The following GPAT4 variants were observed in gnomAD, a reference collection of about 807,000 sequenced individuals.
GPAT4 encodes glycerol-3-phosphate acyltransferase 4, also known as 1-AGP acyltransferase 6.
GPAT4 carries 17 observed loss-of-function variants against 58.0 expected under a neutral mutation model. The ratio of observed to expected loss-of-function variants is 0.29; its 90% CI spans 0.20 to 0.44. GPAT4 has a LOEUF of 0.44. Ranked by LOEUF, GPAT4 falls within the 20% of genes least tolerant of loss-of-function variation. The probability of loss-of-function intolerance (pLI) is 1.00; values close to 1 mark genes in which losing one functional copy is unlikely to be tolerated. For missense variants in GPAT4, 377 were observed against 574.5 expected (o/e 0.66, Z 3.51); for synonymous variants, 204 against 210.1 (o/e 0.97, Z 0.25).
At chr8:41,612,099 A>T (rs1803462377) in intron 6 of GPAT4, 81 bp from the exon 7 acceptor site, 1 of 1,589,136 alleles carries the variant, frequency 6.3e-7, no homozygotes, top group Admixed American at 1.7e-5. Context: ...GTTAGAGCAG[A>T]TGAAGCATGT....
intron 1 of GPAT4, among the ~76,000 whole-genome samples, chr8:41,589,547 T>C (rs1013519899): frequency 2.6e-5 from 4 of 152,202 alleles, no homozygotes; most frequent in African/African-American, 9.7e-5. Flanking sequence ...TTCTTTGTTT[T>C]TTGCATCTGT....
chr8:41,604,027 C>T (rs370790596), intron 2 of GPAT4, among the ~76,000 whole-genome samples: 1 of 138,312 alleles, frequency 7.2e-6, no homozygotes, highest in African/African-American at 2.8e-5. Context: ...CAACTTGTAA[C>T]ACCTTTTAAT....
At chr8:41,584,716 T>C (rs1802606859) in intron 1 of GPAT4, 1 of 152,222 alleles carries the variant, frequency 6.6e-6, no homozygotes, top group South Asian at 2.1e-4. Context: ...AATCAAATTG[T>C]CATCATCAAA....
At chr8:41,579,744 C>T (rs760691020) in intron 1 of GPAT4, among the ~76,000 whole-genome samples, 1 of 151,728 alleles carries the variant, frequency 6.6e-6, no homozygotes, top group Admixed American at 6.6e-5. Flanking sequence ...AGGCTGAGGC[C>T]GGAGAATCGC....
intron 1 of GPAT4, among the ~76,000 whole-genome samples, chr8:41,587,123 G>A (rs974788444): frequency 2.6e-5 from 4 of 152,186 alleles, no homozygotes; most frequent in African/African-American, 7.2e-5. Context: ...TTTTACTAAT[G>A]CATTTACACA....
At chr8:41,615,665 G>A (rs1011465288) in intron 10 of GPAT4, among the ~76,000 whole-genome samples, 4 of 152,070 alleles carry the variant, frequency 2.6e-5, no homozygotes, top group Non-Finnish European at 4.4e-5. Flanking sequence ...GTTCCTCCCC[G>A]CTCTTACCCT....
chr8:41,599,230 A>G lies in GPAT4; in HGVS notation c.91A>G (p.Ile31Val), dbSNP rs1384211933. Residue 31 changes from isoleucine (I) to valine (V), a missense_variant, in exon 2 of 13, where the codon ATA becomes GTA. Transcript: ENST00000396987. ...CTTCACCCTCCTTCTCGTTTTCATC[A>G]TAGTGCCAGCCATTTTTGGAGTCTC... is the stretch of plus-strand genomic sequence containing the variant. ...VLFTLLLVFI[I>V]VPAIFGVSFG... 1 of 1,613,918 alleles carries G rather than the reference A, an allele frequency of 6.2e-7. No individual in the cohort carries two copies. The highest frequency in any genetic ancestry group is 8.5e-7 in the Non-Finnish European group (1 of 1,180,004).
intron 1 of GPAT4, among the ~76,000 whole-genome samples, chr8:41,587,027 C>T (rs1219761311): frequency 2.0e-5 from 3 of 152,212 alleles, no homozygotes; most frequent in Admixed American, 2.0e-4. Context: ...CTGGCTGGGT[C>T]TCTGAGGGCC....
At chr8:41,582,750 A>G (rs560494935) in intron 1 of GPAT4, among the ~76,000 whole-genome samples, 10 of 152,058 alleles carry the variant, frequency 6.6e-5, no homozygotes, top group Admixed American at 3.9e-4. Context: ...TTATGTATCA[A>G]TTTTTAAGAA....
At position 41,621,280 on chromosome 8, in the gene GPAT4, T is replaced by C. The variant is rs1265032356; in HGVS notation, c.*279T>C. The C allele has an allele frequency of 3.3e-5, 15 of 460,832 alleles. No homozygotes were observed. The highest frequency in any genetic ancestry group is 1.4e-4 in the Admixed American group (4 of 28,294). The allele number at this position is 460,832 out of a possible 1,614,324, so 28.5% of individuals were successfully genotyped here. A position where few individuals can be genotyped will look rare whatever the true frequency, so the allele number is the denominator to read the frequency against. On this transcript the variant is annotated 3_prime_UTR_variant, in exon 13 of 13. Coordinates refer to ENST00000396987, the MANE Select transcript of GPAT4 (RefSeq NM_178819.4). ...AGTCGTTGGAGGAATGCCATTAAAGTGAACTCCCCACCTTTGCACGCTGTG... is the reference window on the plus strand; with the variant it reads ...AGTCGTTGGAGGAATGCCATTAAAGCGAACTCCCCACCTTTGCACGCTGTG...
intron 2 of GPAT4, among the ~76,000 whole-genome samples, chr8:41,603,560 C>T (rs949727002): frequency 1.3e-5 from 2 of 151,686 alleles, no homozygotes; most frequent in South Asian, 2.1e-4. Flanking sequence ...ATTTTGGGCC[C>T]CAGAACCTGC....
chr8:41,592,376 C>T (rs1490179987), intron 1 of GPAT4, among the ~76,000 whole-genome samples: 1 of 152,156 alleles, frequency 6.6e-6, no homozygotes, highest in Non-Finnish European at 1.5e-5. Flanking sequence ...GATTTGAACT[C>T]CACCAAGTGA....
intron 2 of GPAT4, among the ~76,000 whole-genome samples, chr8:41,608,578 G>T (rs1477333282): frequency 6.6e-6 from 1 of 152,232 alleles, no homozygotes; most frequent in Non-Finnish European, 1.5e-5. Context: ...TAGGAAAAGC[G>T]TCTTTTTCCT....
chr8:41,616,768 A>G (rs1161652404), intron 10 of GPAT4, among the ~76,000 whole-genome samples: 1 of 152,200 alleles, frequency 6.6e-6, no homozygotes, highest in South Asian at 2.1e-4. Context: ...ATACATTTCC[A>G]TTTAGTCCAC....
At position 41,609,693 on chromosome 8, in the gene GPAT4, A is replaced by C; in HGVS notation, c.274A>C (p.Ile92Leu). ...GGATCCCACTTCACTAGAAGAAGAG[A>C]TCAAAGAGATTCGTCGAAGTGGTAG... ...AKDPTSLEEE[I>L]KEIRRSGSSK... Residue 92 changes from isoleucine (I) to leucine (L), a missense_variant, in exon 4 of 13, where the codon ATC becomes CTC. Physicochemically the swap from Ile to Leu is conservative, Grantham distance 5. Transcript: ENST00000396987. The C allele has an allele frequency of 1.2e-6, 2 of 1,613,962 alleles. No individual in the cohort carries two copies. Among genetic ancestry groups the C allele is most frequent in the Non-Finnish European group, 1.7e-6 (2 of 1,179,948 alleles).
chr8:41,580,786 A>G (rs1585643385), intron 1 of GPAT4, among the ~76,000 whole-genome samples: 1 of 152,300 alleles, frequency 6.6e-6, no homozygotes, highest in East Asian at 1.9e-4. Context: ...ATGGTAAATC[A>G]TTACCCCTAA....
chr8:41,624,111 A>T lies in GPAT4; in HGVS notation c.*3110A>T, dbSNP rs1055324614. On this transcript the variant is annotated 3_prime_UTR_variant, in exon 13 of 13. Transcript: ENST00000396987. The stretch of plus-strand genomic sequence containing the variant: ...CTTGGCCTCCCAAAGTTCTGGGATT[A>T]CAGGCGTGAGCCACTGCGCCCAGCC... 3.9e-5 allele frequency: 6 copies of T among 152,346 alleles called. No homozygotes were observed. The highest frequency in any genetic ancestry group is 1.4e-4 in the African/African-American group (6 of 41,464). The allele number at this position is 152,346 out of a possible 1,614,324, so 9.4% of individuals were successfully genotyped here. A position where few individuals can be genotyped will look rare whatever the true frequency, so the allele number is the denominator to read the frequency against.
intron 1 of GPAT4, among the ~76,000 whole-genome samples, chr8:41,579,242 GGAAATAGATGGAATAGGGA>G (rs1325272939): frequency 6.6e-6 from 1 of 152,104 alleles, no homozygotes; most frequent in African/African-American, 2.4e-5. Flanking sequence ...TCAGACACAG[GGAAATAGATGGAATAGGGA>G]ACCAGCATGT....
chr8:41,613,756 A>G (rs1803513629), intron 8 of GPAT4, among the ~76,000 whole-genome samples: 1 of 152,096 alleles, frequency 6.6e-6, no homozygotes, highest in African/African-American at 2.4e-5. Context: ...TCTCTACAAA[A>G]AATTTAAAAA....
Sources: allele counts gnomAD v4.1 joint callset (sites outside exome capture counted in the v4.1 genomes callset), GRCh38; gene constraint gnomAD v4.1.1; transcripts MANE v1.5; gene names NCBI Gene and HGNC (gene_info 2026-07-23, HGNC 2026-07-21).